Variants in CSMD1 observed in about 807,000 individuals in gnomAD.
CSMD1 encodes the protein CUB and sushi domain-containing protein 1.
CSMD1 carries 213 observed loss-of-function variants against 417.5 expected under a neutral mutation model. The observed-to-expected ratio is 0.51, with a 90% CI of 0.46 to 0.57. The LOEUF (loss-of-function observed/expected upper bound fraction) is 0.57, where lower values mean the gene tolerates loss of function less well. CSMD1 is among the 20% of genes least tolerant of loss of function. CSMD1 has a pLI of 0.00. For missense variants in CSMD1, 6,923 were observed against 4,529.7 expected (o/e 1.53, Z -15.17); for synonymous variants, 2,862 against 1,736.8 (o/e 1.65, Z -16.11).
chr8:3,669,362 C>T (rs893825498), intron 7 of CSMD1, among the ~76,000 whole-genome samples: 20 of 152,146 alleles, frequency 1.3e-4, no homozygotes, highest in South Asian at 6.2e-4. Context: ...CTGCCTTGGG[C>T]GGGAGGGTCC....
chr8:4,404,007 A>T (rs1031289422), intron 3 of CSMD1, among the ~76,000 whole-genome samples: 2 of 152,202 alleles, frequency 1.3e-5, no homozygotes, highest in Non-Finnish European at 2.9e-5. Flanking sequence ...ATCAATTAGC[A>T]AACTCGATTG....
intron 2 of CSMD1, among the ~76,000 whole-genome samples, chr8:4,541,109 G>A (rs1227105026): frequency 4.6e-5 from 7 of 152,186 alleles, no homozygotes; most frequent in Admixed American, 4.6e-4. Context: ...CTGGAGAGTT[G>A]AGAATTATGA....
intron 3 of CSMD1, among the ~76,000 whole-genome samples, chr8:4,170,023 A>G (rs11136703): frequency 0.32 from 48,550 of 151,600 alleles, 8,420 homozygotes; most frequent in South Asian, 0.46. Flanking sequence ...AAAATCAATA[A>G]GAGATTAAAT....
intron 2 of CSMD1, among the ~76,000 whole-genome samples, chr8:4,445,615 G>A (rs187477622): frequency 2.6e-5 from 4 of 152,088 alleles, no homozygotes; most frequent in Non-Finnish European, 5.9e-5. Context: ...GTTCAGAGTC[G>A]AACTGGGCCA....
intron 3 of CSMD1, among the ~76,000 whole-genome samples, chr8:4,288,432 T>A (rs1455289042): frequency 6.6e-6 from 1 of 152,156 alleles, no homozygotes; most frequent in Non-Finnish European, 1.5e-5. Context: ...ACTCAGGAAA[T>A]TCAATTCAAT....
chr8:4,593,543 T>G (rs1003797392), intron 2 of CSMD1, among the ~76,000 whole-genome samples: 11 of 152,324 alleles, frequency 7.2e-5, no homozygotes, highest in African/African-American at 2.4e-4. Flanking sequence ...AGTGACTATT[T>G]GTAGCACTTA....
chr8:4,452,497 C>T (rs1349581799), intron 2 of CSMD1, among the ~76,000 whole-genome samples: 1 of 152,196 alleles, frequency 6.6e-6, no homozygotes, highest in African/African-American at 2.4e-5. Flanking sequence ...GACCTGCTAA[C>T]TACAGCTTTA....
chr8:3,796,721 C>A (rs988548057), intron 5 of CSMD1, among the ~76,000 whole-genome samples: 1 of 150,742 alleles, frequency 6.6e-6, no homozygotes, highest in Non-Finnish European at 1.5e-5. Context: ...GGAAACAATT[C>A]TATATGTCAC....
intron 5 of CSMD1, among the ~76,000 whole-genome samples, chr8:3,893,984 T>G (rs1350179550): frequency 6.6e-6 from 1 of 151,988 alleles, no homozygotes; most frequent in East Asian, 1.9e-4. Flanking sequence ...GCAACACCTC[T>G]TCCCATCTCC....
intron 6 of CSMD1, among the ~76,000 whole-genome samples, chr8:3,728,852 G>A (rs988188758): frequency 3.9e-5 from 6 of 152,172 alleles, no homozygotes; most frequent in South Asian, 2.1e-4. Context: ...TTTTACTGAA[G>A]CAGATTCATG....
At chr8:4,232,373 A>T (rs1034994710) in intron 3 of CSMD1, among the ~76,000 whole-genome samples, 3 of 152,124 alleles carry the variant, frequency 2.0e-5, no homozygotes, top group African/African-American at 7.2e-5. Flanking sequence ...TAATTTTTGT[A>T]TTCTTAGTAG....
chr8:3,349,968 C>G (rs1189303967), intron 21 of CSMD1, among the ~76,000 whole-genome samples: 5 of 140,404 alleles, frequency 3.6e-5, no homozygotes, highest in South Asian at 2.2e-4. Context: ...GTTATAATAC[C>G]TATAATACCT....
At chr8:4,046,395 T>A (rs753757538) in intron 3 of CSMD1, among the ~76,000 whole-genome samples, 171 of 152,190 alleles carry the variant, frequency 1.1e-3, no homozygotes, top group Non-Finnish European at 2.0e-3. Flanking sequence ...ATATTACAAA[T>A]CCATGATTTT....
intron 3 of CSMD1, among the ~76,000 whole-genome samples, chr8:4,211,772 A>G (rs1157808031): frequency 6.6e-6 from 1 of 152,130 alleles, no homozygotes; most frequent in African/African-American, 2.4e-5. Context: ...TTCACAAACT[A>G]TTTTCTTCAA....
At position 3,295,137 on chromosome 8, in the gene CSMD1, T is replaced by A. The variant is rs532589119; in HGVS notation, c.3951-10791A>T. On this transcript the variant is annotated intron_variant, in intron 25 of 69. Coordinates refer to ENST00000635120, the MANE Select transcript of CSMD1 (RefSeq NM_033225.6). ...TTTTATTTTATTTATTTATTTTATT[T>A]TATTTGAGATGGAGTCTTGCTTTGT... Among the ~76,000 whole-genome samples the A allele has an allele frequency of 2.0e-5, 3 of 152,186 alleles. No homozygotes were observed. In the East Asian group the frequency reaches 5.8e-4, roughly 29 times the overall value.
Position 4,103,468 on chromosome 8 carries a change from T to G in CSMD1, c.416-71369A>C, listed in dbSNP as rs1281509561. ...GTACCATAACATCCACATGATTATT[T>G]TAAAAAGGGTTTTACATATATATAA... On this transcript the variant is annotated intron_variant, in intron 3 of 69. Transcript: ENST00000635120. 2.0e-5 allele frequency among the ~76,000 whole-genome samples: 3 copies of G among 150,738 alleles called. No homozygotes were observed. In the East Asian group the frequency reaches 5.8e-4, roughly 29 times the overall value.
At chr8:4,473,711 G>C (rs184658418) in intron 2 of CSMD1, among the ~76,000 whole-genome samples, 19 of 152,276 alleles carry the variant, frequency 1.2e-4, no homozygotes, top group African/African-American at 3.6e-4. Flanking sequence ...AAGGTATGCA[G>C]GAATGTGTAG....
chr8:4,067,393 A>G (rs2130764568), intron 3 of CSMD1, among the ~76,000 whole-genome samples: 1 of 152,324 alleles, frequency 6.6e-6, no homozygotes, highest in East Asian at 1.9e-4. Context: ...TTGGTAGAAA[A>G]ACAGTATTTC....
intron 3 of CSMD1, among the ~76,000 whole-genome samples, chr8:4,070,830 G>C (rs1444516113): frequency 1.3e-5 from 2 of 152,136 alleles, no homozygotes; most frequent in African/African-American, 2.4e-5. Context: ...CATTCTTGAA[G>C]GTTGTTTTCA....
Sources: allele counts gnomAD v4.1 joint callset (sites outside exome capture counted in the v4.1 genomes callset), GRCh38; gene constraint gnomAD v4.1.1; transcripts MANE v1.5; gene names NCBI Gene and HGNC (gene_info 2026-07-23, HGNC 2026-07-21).